Variants in EYA4 observed in about 807,000 individuals in gnomAD.
EYA4 encodes the protein protein phosphatase EYA4.
In EYA4, 31 loss-of-function variants were observed where a neutral mutation model predicts 87.9. The ratio of observed to expected loss-of-function variants is 0.35; its 90% confidence interval spans 0.27 to 0.48. The LOEUF (loss-of-function observed/expected upper bound fraction) is 0.48, where lower values mean the gene tolerates loss of function less well. Among genes scored for constraint, EYA4 ranks in the 20% least tolerant of loss-of-function variants. The pLI is 0.99. For missense variants in EYA4, 678 were observed against 761.4 expected (o/e 0.89, Z 1.29); for synonymous variants, 263 against 270.6 (o/e 0.97, Z 0.28).
intron 3 of EYA4, among the ~76,000 whole-genome samples, chr6:133,406,408 A>G (rs1255774704): frequency 1.3e-5 from 2 of 152,240 alleles, no homozygotes; most frequent in South Asian, 2.1e-4. Flanking sequence ...CCAACGGCAC[A>G]TCATATGCAA....
chr6:133,381,145 A>G (rs1214596151), intron 2 of EYA4, among the ~76,000 whole-genome samples: 1 of 143,390 alleles, frequency 7.0e-6, no homozygotes, highest in African/African-American at 2.6e-5. Flanking sequence ...AGAAGACATT[A>G]CATAATAAAA....
At position 133,513,057 on chromosome 6, in the gene EYA4, A is replaced by G. The variant is rs200678450; in HGVS notation, c.1501+19A>G. The G allele has an allele frequency of 1.7e-4, 267 of 1,609,742 alleles. No homozygotes were observed. In the South Asian group the frequency reaches 1.8e-3, roughly 11 times the overall value. ...GTTGGAGGTATGTGTGGCTTTTTCA[A>G]TCTAACAAAGGTACTCTGGGTATAG... On this transcript the variant is annotated intron_variant, in intron 16 of 19. Coordinates refer to ENST00000355286, the MANE Select transcript of EYA4 (RefSeq NM_004100.5).
chr6:133,333,112 A>G (rs867830453), intron 2 of EYA4, among the ~76,000 whole-genome samples: 28 of 152,206 alleles, frequency 1.8e-4, no homozygotes, highest in Middle Eastern at 3.4e-3. Flanking sequence ...TTTCCTTCCT[A>G]TAACTTATCA....
rs1371366566 is a variant in EYA4, at chr6:133,531,013, TC to T, written c.*2209del. 43 of 1,363,760 alleles carry T rather than the reference TC, an allele frequency of 3.2e-5. No homozygotes were observed. Among genetic ancestry groups the T allele is most frequent in the Non-Finnish European group, 3.9e-5 (41 of 1,061,070 alleles). The allele number at this position is 1,363,760 out of a possible 1,614,324, so 84.5% of individuals were successfully genotyped here. A position where few individuals can be genotyped will look rare whatever the true frequency, so the allele number is the denominator to read the frequency against. On this transcript the variant is annotated 3_prime_UTR_variant, in exon 20 of 20. Coordinates refer to ENST00000355286, the MANE Select transcript of EYA4 (RefSeq NM_004100.5). ...AATTATCTTTACTGTATAGCTGGTT[TC>T]TTTAAATGTTGATAGAATTGTGGCA...
At chr6:133,498,020 A>G (rs1028346) in intron 13 of EYA4, among the ~76,000 whole-genome samples, 329 of 152,322 alleles carry the variant, frequency 2.2e-3, no homozygotes, top group African/African-American at 4.1e-3. Flanking sequence ...GATTGCTTGT[A>G]TATTGAACAG....
chr6:133,422,730 A>G (rs966470021), intron 3 of EYA4, among the ~76,000 whole-genome samples: 1 of 152,226 alleles, frequency 6.6e-6, no homozygotes, highest in Non-Finnish European at 1.5e-5. Flanking sequence ...TATTTCAAAG[A>G]TTTCAATAAA....
At chr6:133,484,978 C>T (rs1796564811) in intron 13 of EYA4, among the ~76,000 whole-genome samples, 1 of 152,030 alleles carries the variant, frequency 6.6e-6, no homozygotes, top group Non-Finnish European at 1.5e-5. Context: ...TCATTCGGAC[C>T]CAAGGCGGTG....
intron 3 of EYA4, among the ~76,000 whole-genome samples, chr6:133,389,201 T>C (rs926478458): frequency 1.3e-5 from 2 of 152,174 alleles, no homozygotes; most frequent in Non-Finnish European, 2.9e-5. Context: ...ATTTCATAGG[T>C]CAGGCATCTA....
At chr6:133,353,053 G>T (rs1783755891) in intron 2 of EYA4, among the ~76,000 whole-genome samples, 1 of 152,114 alleles carries the variant, frequency 6.6e-6, no homozygotes, top group South Asian at 2.1e-4. Context: ...AAATATCACT[G>T]TGGGTAGTAA....
At chr6:133,503,226 A>G (rs1311359856) in intron 13 of EYA4, among the ~76,000 whole-genome samples, 1 of 152,212 alleles carries the variant, frequency 6.6e-6, no homozygotes, top group East Asian at 1.9e-4. Flanking sequence ...GCACAGAGTT[A>G]CGTACTTCAG....
At chr6:133,386,390 G>A (rs1461618698) in intron 3 of EYA4, among the ~76,000 whole-genome samples, 1 of 151,922 alleles carries the variant, frequency 6.6e-6, no homozygotes, top group Non-Finnish European at 1.5e-5. Context: ...TCTACTTTCA[G>A]TCCTTTTTAT....
At chr6:133,468,786 A>G (rs780233571) in intron 11 of EYA4, 55 bp downstream of exon 11, 3 of 1,577,942 alleles carry the variant, frequency 1.9e-6, no homozygotes, top group Non-Finnish European at 2.6e-6. Context: ...TATCTAATAA[A>G]ACGGAGAAAG....
intron 3 of EYA4, among the ~76,000 whole-genome samples, chr6:133,446,339 T>A (rs572245154): frequency 6.6e-6 from 1 of 152,308 alleles, no homozygotes; most frequent in Non-Finnish European, 1.5e-5. Flanking sequence ...TATTTTTGTG[T>A]TAGTAATAAC....
chr6:133,307,605 T>C (rs1779905948), intron 2 of EYA4, among the ~76,000 whole-genome samples: 1 of 152,166 alleles, frequency 6.6e-6, no homozygotes, highest in South Asian at 2.1e-4. Flanking sequence ...GTGTTTTTCT[T>C]TCAGGAAACT....
At chr6:133,310,122 A>G (rs1216079370) in intron 2 of EYA4, among the ~76,000 whole-genome samples, 1 of 152,180 alleles carries the variant, frequency 6.6e-6, no homozygotes, top group African/African-American at 2.4e-5. Flanking sequence ...TTATTTGGCA[A>G]TTTAACGTGA....
At chr6:133,453,317 AAG>A (rs1397084809) in intron 5 of EYA4, among the ~76,000 whole-genome samples, 3 of 152,078 alleles carry the variant, frequency 2.0e-5, no homozygotes, top group South Asian at 2.1e-4. Context: ...TAAAAGAAAA[AAG>A]AATACATTTC....
Position 133,500,718 on chromosome 6 carries a change from C to A in EYA4, c.1192-5388C>A, listed in dbSNP as rs147245182. 1.9e-3 allele frequency among the ~76,000 whole-genome samples: 284 copies of A among 152,234 alleles called. 1 individual carries two copies. Among genetic ancestry groups the A allele is most frequent in the Non-Finnish European group, 3.2e-3 (217 of 68,018 alleles). ...GTGCTCCCTCACCTACCCAAAGAAT[C>A]GACTCCTGAAAGGACTTCTTTCGCT... On this transcript the variant is annotated intron_variant, in intron 13 of 19. Coordinates refer to ENST00000355286, the MANE Select transcript of EYA4 (RefSeq NM_004100.5).
At chr6:133,363,647 T>TG (rs1265766515) in intron 2 of EYA4, among the ~76,000 whole-genome samples, 5 of 151,322 alleles carry the variant, frequency 3.3e-5, no homozygotes, top group African/African-American at 4.9e-5. Context: ...GCTATTTTTT[T>TG]TGTATTTTTA....
chr6:133,460,977 C>T, intron 6 of EYA4, 137 bp from the exon 7 acceptor site: 1 of 714,896 alleles, frequency 1.4e-6, no homozygotes, highest in South Asian at 1.5e-5. Flanking sequence ...AGTGTTTAGG[C>T]AGCTGTTTCC....
Sources: allele counts gnomAD v4.1 joint callset (sites outside exome capture counted in the v4.1 genomes callset), GRCh38; gene constraint gnomAD v4.1.1; transcripts MANE v1.5; gene names NCBI Gene and HGNC (gene_info 2026-07-23, HGNC 2026-07-21).